The following PRKDC variants were observed in gnomAD, a reference collection of about 807,000 sequenced individuals.
The protein encoded by PRKDC is DNA-dependent protein kinase catalytic subunit.
A neutral mutation model predicts 486.9 loss-of-function variants in PRKDC; 82 were observed. That is an observed-to-expected ratio of 0.17 (90% CI 0.14 to 0.20). The LOEUF (loss-of-function observed/expected upper bound fraction) is 0.20. PRKDC is among the 10% of genes least tolerant of loss of function. The pLI is 1.00. For missense variants in PRKDC, 4,504 were observed against 5,038.2 expected (o/e 0.89, Z 3.21); for synonymous variants, 1,895 against 1,837.0 (o/e 1.03, Z -0.81).
In PRKDC at chr8:47,778,750, T is replaced by G; in HGVS notation, c.11629A>C (p.Lys3877Gln). 1.9e-6 allele frequency: 3 copies of G among 1,613,892 alleles called. No homozygotes were observed. Among genetic ancestry groups the G allele is most frequent in the Non-Finnish European group, 2.5e-6 (3 of 1,179,828 alleles). ...TACTTTAAGAGATCAGCAGGCACTTTACTTTCTCGTTTTCTAAAAGACGTG... is the reference window on the plus strand; with the variant it reads ...TACTTTAAGAGATCAGCAGGCACTTGACTTTCTCGTTTTCTAAAAGACGTG... The part of the protein sequence containing the change: ...TVTSFRKRES[K>Q]VPADLLKRAF... The change falls in exon 82 of 86, where the codon AAA becomes CAA. Residue 3877 changes from lysine to glutamine, a missense_variant. Lys to Gln is a moderately conservative substitution (Grantham distance 53, BLOSUM62 1). Transcript: ENST00000314191.
At chr8:47,787,732 G>A (rs975477216) in intron 76 of PRKDC, among the ~76,000 whole-genome samples, 6 of 152,200 alleles carry the variant, frequency 3.9e-5, no homozygotes, top group African/African-American at 1.4e-4. Flanking sequence ...AAGTGGCCAT[G>A]AATTCCGACA....
rs763571499 is a variant in PRKDC at position 47,953,638 on chromosome 8, T to G, written c.703A>C (p.Thr235Pro). The G allele has an allele frequency of 6.2e-7, 1 of 1,613,204 alleles. No homozygotes were observed. Among genetic ancestry groups the G allele is most frequent in the Admixed American group, 1.7e-5 (1 of 59,932 alleles). The change falls in exon 7 of 86, where the codon ACT (threonine) becomes CCT (proline). Residue 235 changes from threonine to proline, a missense_variant. This residue lies in a region of PRKDC where 1,969 missense variants were observed against 2,068.9 expected (regional missense o/e 0.95). Transcript: ENST00000314191. Reference protein sequence around the residue: ...KGLSSLLCNFTKSMEEDPQTS... With the variant: ...KGLSSLLCNFPKSMEEDPQTS... ...GCAATACCTTCTTCCATGGACTTAGTGAAGTTGCACAGAAGTGAGGACAAC... is the reference window on the plus strand; with the variant it reads ...GCAATACCTTCTTCCATGGACTTAGGGAAGTTGCACAGAAGTGAGGACAAC...
At position 47,807,220 on chromosome 8, in the gene PRKDC, C is replaced by T. The variant is rs1309433738; in HGVS notation, c.9664G>A (p.Glu3222Lys). 6.2e-7 allele frequency: 1 copy of T among 1,613,850 alleles called. No individual in the cohort carries two copies. Among genetic ancestry groups the T allele is most frequent in the East Asian group, 2.2e-5 (1 of 44,894 alleles). Residue 3222 changes from glutamate (E) to lysine (K), a missense_variant, in exon 69 of 86, where the codon GAG becomes AAG. Physicochemically the swap from Glu to Lys is moderately conservative, Grantham distance 56 (BLOSUM62 1). This residue lies in a region of PRKDC where 1,592 missense variants were observed against 1,724.6 expected (regional missense o/e 0.92). Coordinates refer to ENST00000314191, the MANE Select transcript of PRKDC (RefSeq NM_006904.7). ...AGGGAGCTGATATCTTCTTCCTGCT[C>T]TTGCACTTCCATCCTGTCACTGGGG... The part of the protein sequence containing the change: ...GDPSDRMEVQ[E>K]QEEDISSLIR...
intron 54 of PRKDC, among the ~76,000 whole-genome samples, chr8:47,842,075 C>A (rs2088160433): frequency 6.6e-6 from 1 of 152,152 alleles, no homozygotes; most frequent in Non-Finnish European, 1.5e-5. Context: ...GCACAGAGGA[C>A]CAGTGGGCCT....
intron 74 of PRKDC, among the ~76,000 whole-genome samples, chr8:47,791,400 G>A (rs536825610): frequency 1.9e-4 from 29 of 152,174 alleles, no homozygotes; most frequent in East Asian, 9.7e-4. Context: ...GCTTGAACCC[G>A]GGAGGCGCAG....
chr8:47,952,002 G>C (rs958582650), intron 7 of PRKDC, among the ~76,000 whole-genome samples: 11 of 152,208 alleles, frequency 7.2e-5, no homozygotes, highest in African/African-American at 2.7e-4. Context: ...TGCAACCCTT[G>C]TGCACTGTTG....
At chr8:47,890,125 G>A in intron 32 of PRKDC, 132 bp downstream of exon 32, 1 of 375,410 alleles carries the variant, frequency 2.7e-6, no homozygotes, top group South Asian at 1.2e-4. Context: ...TTGAGAGGAT[G>A]AAATATAATA....
At position 47,847,816 on chromosome 8, in the gene PRKDC, C is replaced by T. The variant is rs78679841; in HGVS notation, c.7280+1338G>A. Among the ~76,000 whole-genome samples the T allele has an allele frequency of 9.6e-3, 1,457 of 151,418 alleles. 14 individuals are homozygous for T. The highest frequency in any genetic ancestry group is 0.022 in the South Asian group (105 of 4,804). Reference sequence around the variant, plus strand: ...TAATTCAACAAGTAAAAAGTGACCCCATTAAAAAATGAGCAAAAGACATGG... The same window carrying T: ...TAATTCAACAAGTAAAAAGTGACCCTATTAAAAAATGAGCAAAAGACATGG... On this transcript the variant is annotated intron_variant, in intron 54 of 85. Coordinates refer to ENST00000314191, the MANE Select transcript of PRKDC (RefSeq NM_006904.7).
At chr8:47,886,838 C>T (rs2089344473) in intron 35 of PRKDC, among the ~76,000 whole-genome samples, 4 of 152,018 alleles carry the variant, frequency 2.6e-5, no homozygotes, top group African/African-American at 9.7e-5. Context: ...CAAGCATGTG[C>T]CACCATACCT....
Position 47,782,521 on chromosome 8 carries a change from C to T in PRKDC, c.11253G>A (p.Leu3751=). Residue 3751 remains leucine (L), a synonymous_variant, in exon 79 of 86, where the codon CTG becomes CTA. Coordinates refer to ENST00000314191, the MANE Select transcript of PRKDC (RefSeq NM_006904.7). This position sits in a 1 kb window ranked among gnomAD's most constrained non-coding sequence, Gnocchi z 4.9. ...RGHDEREHPF[L]VKGGEDLRQD... is the part of the protein sequence containing the mutation. ...GCCGCAGGTCCTCGCCACCCTTCAC[C>T]AGGAAAGGGTGTTCCCTCTCGTCAT... 6.3e-7 allele frequency: 1 copy of T among 1,576,958 alleles called. No individual in the cohort carries two copies. Among genetic ancestry groups the T allele is most frequent in the Non-Finnish European group, 8.6e-7 (1 of 1,161,666 alleles).
chr8:47,894,333 T>C (rs1394251299), intron 30 of PRKDC, among the ~76,000 whole-genome samples: 1 of 152,148 alleles, frequency 6.6e-6, no homozygotes, highest in Admixed American at 6.5e-5. Flanking sequence ...TATTCTGTAA[T>C]GTTCTGTTAC....
At chr8:47,944,148 T>A (rs1194794846) in intron 7 of PRKDC, 119 bp from the exon 8 acceptor site, 2 of 846,640 alleles carry the variant, frequency 2.4e-6, no homozygotes, top group Non-Finnish European at 3.8e-6. Flanking sequence ...AGGAGAAACA[T>A]CTTTCATCAT....
rs1303297595 is a variant in PRKDC, at chr8:47,904,891, A to G, written c.3020T>C (p.Val1007Ala). 6.2e-7 allele frequency: 1 copy of G among 1,610,766 alleles called. No individual in the cohort carries two copies. Among genetic ancestry groups the G allele is most frequent in the Admixed American group, 1.7e-5 (1 of 59,958 alleles). ...TACCAATATAGCTTCTAGTAAGGCAACAGTATCCTGACTTTCAAATTTCTT... is the reference window on the plus strand; with the variant it reads ...TACCAATATAGCTTCTAGTAAGGCAGCAGTATCCTGACTTTCAAATTTCTT... ...NNKKFESQDT[V>A]ALLEAILDGI... The change falls in exon 26 of 86, where the codon GTT becomes GCT. Residue 1007 changes from valine (V) to alanine (A), a missense_variant. Physicochemically the swap from Val to Ala is moderately conservative, Grantham distance 64. Transcript: ENST00000314191.
rs2089596090 is a variant in PRKDC, at chr8:47,897,188, A to C, written c.3571T>G (p.Phe1191Val). Residue 1191 changes from phenylalanine (F) to valine (V), a missense_variant, in exon 30 of 86, where the codon TTT becomes GTT. Phe to Val is a conservative substitution (Grantham distance 50). Around this residue, in one of 6 missense-constraint regions of PRKDC, gnomAD observed 1,969 missense variants for 2,068.9 expected, o/e 0.95. Coordinates refer to ENST00000314191, the MANE Select transcript of PRKDC (RefSeq NM_006904.7). ...GGCAATAAAGGAACGAATTTATAAA[A>C]GAGTTCAATGGATTTGTGTCGACAT... is the stretch of plus-strand genomic sequence containing the variant. ...TECRHKSIEL[F>V]YKFVPLLPGN... The C allele has an allele frequency of 6.2e-7, 1 of 1,602,844 alleles. No individual in the cohort carries two copies. Among genetic ancestry groups the C allele is most frequent in the Non-Finnish European group, 8.5e-7 (1 of 1,170,912 alleles).
chr8:47,955,318 C>T (rs1350962502), intron 4 of PRKDC, among the ~76,000 whole-genome samples: 108 of 150,052 alleles, frequency 7.2e-4, no homozygotes, highest in African/African-American at 2.5e-3. Context: ...AAAAATTAGC[C>T]GGGCGTAGTG....
At chr8:47,819,553 T>C in intron 66 of PRKDC, 43 bp from the exon 67 acceptor site, 2 of 1,070,818 alleles carry the variant, frequency 1.9e-6, no homozygotes, top group Non-Finnish European at 2.6e-6. Context: ...ACAAATGCCA[T>C]GTTATAAATC....
intron 32 of PRKDC, 90 bp downstream of exon 32, chr8:47,890,167 T>C: frequency 1.5e-6 from 1 of 650,480 alleles, no homozygotes; most frequent in Non-Finnish European, 2.2e-6. Context: ...ATGATAAATT[T>C]TTATTAAAAG....
rs1359480423 is a variant in PRKDC, at chr8:47,954,545, TC to T, written c.400-100del. ...TCTCTAAAGAGGGAAATAACGGGAT[TC>T]CTCTATCTCAGTGCATCTGTCCACA... On this transcript the variant is annotated intron_variant, in intron 4 of 85. Coordinates refer to ENST00000314191, the MANE Select transcript of PRKDC (RefSeq NM_006904.7). The T allele has an allele frequency of 4.5e-6, 2 of 445,622 alleles. 1 individual carries two copies. Among genetic ancestry groups the T allele is most frequent in the Non-Finnish European group, 8.0e-6 (2 of 251,242 alleles). The allele number at this position is 445,622 out of a possible 1,614,324, so 27.6% of individuals were successfully genotyped here.
In PRKDC at chr8:47,782,694, C is replaced by A. The variant is rs2086718654; in HGVS notation, c.11176-96G>T. 4 of 1,362,802 alleles carry A rather than the reference C, an allele frequency of 2.9e-6. No individual in the cohort carries two copies. In the East Asian group the frequency reaches 7.5e-5, roughly 26 times the overall value. The allele number at this position is 1,362,802 out of a possible 1,614,324, so 84.4% of individuals were successfully genotyped here. A position where few individuals can be genotyped will look rare whatever the true frequency, so the allele number is the denominator to read the frequency against. On this transcript the variant is annotated intron_variant, in intron 78 of 85. Coordinates refer to ENST00000314191, the MANE Select transcript of PRKDC (RefSeq NM_006904.7). The surrounding 1 kb of genome is among the most constrained non-coding windows in gnomAD (Gnocchi z 4.9). ...TGGCTGTGAGCATTCCTCCGTGGGGCCGCCCTCTGAAGACAGTGCCAAAGA... is the reference window on the plus strand; with the variant it reads ...TGGCTGTGAGCATTCCTCCGTGGGGACGCCCTCTGAAGACAGTGCCAAAGA...
Sources: gnomAD v4.1 joint callset for allele counts (sites outside exome capture counted in the v4.1 genomes callset) on GRCh38, gnomAD v4.1.1 for gene constraint, gnomAD v4.1.1 regional missense constraint, Gnocchi (gnomAD v3.1) non-coding constraint, MANE v1.5 for transcripts, NCBI Gene and HGNC (gene_info 2026-07-23, HGNC 2026-07-21) for gene names.